The following UNC80 variants were observed in gnomAD, a reference collection of about 807,000 sequenced individuals.
UNC80 encodes unc-80 subunit of NALCN channel complex, also known as protein unc-80 homolog.
A neutral mutation model predicts 384.6 loss-of-function variants in UNC80; 164 were observed. The observed-to-expected ratio is 0.43, with a 90% CI of 0.38 to 0.49. The LOEUF (loss-of-function observed/expected upper bound fraction) is 0.49, where lower values mean the gene tolerates loss of function less well. Ranked by LOEUF, UNC80 falls within the 20% of genes least tolerant of loss-of-function variation. UNC80 has a pLI of 0.00. For missense variants in UNC80, 3,330 were observed against 4,143.0 expected (o/e 0.80, Z 5.39); for synonymous variants, 1,486 against 1,527.8 (o/e 0.97, Z 0.64).
In UNC80 at chr2:209,872,401, A is replaced by G. The variant is rs1285691042; in HGVS notation, c.3628-357A>G. 6.6e-6 allele frequency among the ~76,000 whole-genome samples: 1 copy of G among 152,220 alleles called. No homozygotes were observed. Among genetic ancestry groups the G allele is most frequent in the African/African-American group, 2.4e-5 (1 of 41,440 alleles). ...AAATTTAGGGTTCAAAAAAAGATTCATCTTTAAGACCTCACTAAAAGCTCT... is the reference window on the plus strand; with the variant it reads ...AAATTTAGGGTTCAAAAAAAGATTCGTCTTTAAGACCTCACTAAAAGCTCT... On this transcript the variant is annotated intron_variant, in intron 22 of 64. Transcript: ENST00000673920. The surrounding 1 kb of genome is among the most constrained non-coding windows in gnomAD (Gnocchi z 4.1).
chr2:209,804,728 C>T (rs1269454400), intron 7 of UNC80, among the ~76,000 whole-genome samples: 1 of 150,488 alleles, frequency 6.6e-6, no homozygotes, highest in African/African-American at 2.4e-5. Flanking sequence ...ATTTGAATCA[C>T]ACTCTCAACA....
intron 7 of UNC80, among the ~76,000 whole-genome samples, chr2:209,805,914 A>G (rs988690499): frequency 2.0e-5 from 3 of 152,178 alleles, no homozygotes; most frequent in African/African-American, 7.2e-5. Context: ...GCTATGTTGG[A>G]GGCTGGCTGT....
At chr2:209,903,334 G>A (rs1192606556) in intron 28 of UNC80, among the ~76,000 whole-genome samples, 9 of 133,672 alleles carry the variant, frequency 6.7e-5, no homozygotes, top group East Asian at 4.1e-4. Context: ...GTGTGTGTGT[G>A]TGTGTGTGTG....
chr2:209,803,782 G>C (rs868457435), intron 7 of UNC80, among the ~76,000 whole-genome samples: 1 of 151,952 alleles, frequency 6.6e-6, no homozygotes, highest in East Asian at 1.9e-4. Flanking sequence ...ACTGAGACTG[G>C]AGTGCAGTGG....
At chr2:209,969,591 C>T (rs1436864281) in intron 52 of UNC80, 177 bp from the exon 53 acceptor site, 3 of 797,144 alleles carry the variant, frequency 3.8e-6, no homozygotes, top group Admixed American at 3.2e-5. Flanking sequence ...GCCTCTGCTA[C>T]GTTTTCAGTA....
chr2:209,863,233 T>C (rs1363322470), intron 22 of UNC80, among the ~76,000 whole-genome samples: 1 of 152,178 alleles, frequency 6.6e-6, no homozygotes, highest in Non-Finnish European at 1.5e-5. Flanking sequence ...CCTTTGTAGG[T>C]GACCTGGCCT....
chr2:209,795,118 A>T (rs1400404731), intron 7 of UNC80: 3 of 171,206 alleles, frequency 1.8e-5, no homozygotes, highest in Non-Finnish European at 2.5e-5. Flanking sequence ...CGACATAGAC[A>T]ATAAAACCAG....
chr2:209,850,595 G>A (rs2082458457), intron 22 of UNC80, among the ~76,000 whole-genome samples: 1 of 152,158 alleles, frequency 6.6e-6, no homozygotes, highest in Admixed American at 6.6e-5. Flanking sequence ...AGCAAGGTAT[G>A]TGGCTTCACT....
At position 209,771,914 on chromosome 2, in the gene UNC80, T is replaced by A; in HGVS notation, c.-159T>A. The A allele has an allele frequency of 1.8e-6, 1 of 546,678 alleles. No homozygotes were observed. 33.9% of individuals were successfully genotyped at this position (546,678 alleles called of 1,614,324 possible). ...GCCATGTTCCACGCGCGGGGAGGGG[T>A]GGGGGGAGGGGAGAGGCACGGGGGA... On this transcript the variant is annotated 5_prime_UTR_variant, in exon 1 of 65. Transcript: ENST00000673920.
Position 209,888,241 on chromosome 2 carries a change from A to G in UNC80, c.4257A>G (p.Ala1419=), listed in dbSNP as rs1269904857. 1 of 1,551,732 alleles carries G rather than the reference A, an allele frequency of 6.4e-7. No homozygotes were observed. The highest frequency in any genetic ancestry group is 8.7e-7 in the Non-Finnish European group (1 of 1,146,986). ...HSSSHTLKSD[A]GVEEKKVPSR... is the part of the protein sequence containing the mutation. Reference sequence around the variant, plus strand: ...GCAGCCACACTCTCAAATCAGATGCAGGAGTCGAGGAGAAGAAAGGTATGG... The same window carrying G: ...GCAGCCACACTCTCAAATCAGATGCGGGAGTCGAGGAGAAGAAAGGTATGG... The change falls in exon 26 of 65, where the codon GCA becomes GCG. Residue 1419 remains alanine, a synonymous_variant. Transcript: ENST00000673920.
intron 25 of UNC80, among the ~76,000 whole-genome samples, chr2:209,883,429 T>C (rs2085476538): frequency 7.1e-6 from 1 of 140,556 alleles, no homozygotes; most frequent in Non-Finnish European, 1.6e-5. Flanking sequence ...TTCCACTCTT[T>C]TTTTTTTTTT....
rs1458586253 is a variant in UNC80, at chr2:209,912,655, C to T, written c.4878C>T (p.Tyr1626=). ...AAAAAGATTCCGGAATGCTGAAGTA[C>T]ATCAGACTTCAGGTATTGTTACCTG... is the stretch of plus-strand genomic sequence containing the variant. ...EGKKDSGMLK[Y]IRLQVMSLSP... Residue 1626 remains tyrosine (Y), a synonymous_variant, in exon 30 of 65, where the codon TAC becomes TAT. Transcript: ENST00000673920. The T allele has an allele frequency of 1.3e-6, 2 of 1,548,062 alleles. No homozygotes were observed. Among genetic ancestry groups the T allele is most frequent in the Non-Finnish European group, 1.7e-6 (2 of 1,144,070 alleles).
chr2:209,904,052 C>T (rs917429546), intron 28 of UNC80, among the ~76,000 whole-genome samples: 15 of 152,264 alleles, frequency 9.9e-5, no homozygotes, highest in African/African-American at 3.4e-4. Flanking sequence ...TAAGAAGTTC[C>T]AAATGCAAGG....
intron 14 of UNC80, among the ~76,000 whole-genome samples, chr2:209,826,475 G>C (rs903002929): frequency 6.6e-6 from 1 of 152,150 alleles, no homozygotes; most frequent in Admixed American, 6.5e-5. Context: ...GACCTGGTTT[G>C]TTGTCCTGCC....
rs548366205 is a variant in UNC80 at position 209,898,990 on chromosome 2, A to G, written c.4581+2577A>G. On this transcript the variant is annotated intron_variant, in intron 28 of 64. Transcript: ENST00000673920. ...GGCTGAGTAGTACTCTATTGTGTATATGTACCACATTTTCTTTGTTCATTC... is the reference window on the plus strand; with the variant it reads ...GGCTGAGTAGTACTCTATTGTGTATGTGTACCACATTTTCTTTGTTCATTC... 2.1e-3 allele frequency among the ~76,000 whole-genome samples: 314 copies of G among 152,290 alleles called. 1 individual carries two copies. The highest frequency in any genetic ancestry group is 0.01 in the Middle Eastern group (3 of 294).
At chr2:209,960,745 C>G (rs1349190883) in intron 51 of UNC80, among the ~76,000 whole-genome samples, 1 of 152,176 alleles carries the variant, frequency 6.6e-6, no homozygotes, top group Non-Finnish European at 1.5e-5. Flanking sequence ...CAGTACTGCC[C>G]TGGAGAACCC....
At chr2:209,941,077 T>C (rs2091597266) in intron 43 of UNC80, 144 bp from the exon 44 acceptor site, 1 of 1,065,540 alleles carries the variant, frequency 9.4e-7, no homozygotes, top group East Asian at 2.7e-5. Flanking sequence ...AGTAATATTG[T>C]GCTGGAAAAC....
intron 24 of UNC80, among the ~76,000 whole-genome samples, chr2:209,880,262 T>C (rs2085167411): frequency 6.6e-6 from 1 of 152,222 alleles, no homozygotes; most frequent in African/African-American, 2.4e-5. Context: ...AGCTGGCTTC[T>C]AGTGGATACA....
In UNC80 at chr2:209,973,224, G is replaced by T; in HGVS notation, c.8541G>T (p.Leu2847Phe). ...CSTPGDAGKD[L>F]RREGLAESTS... ...CCCCTGGGGATGCGGGGAAAGACTT[G>T]CGCAGGGAAGGGCTGGCTGAGTCCA... Residue 2847 changes from leucine to phenylalanine, a missense_variant, in exon 56 of 65, where the codon TTG becomes TTT. This residue lies in a region of UNC80 where 1,049 missense variants were observed against 1,488.6 expected (regional missense o/e 0.70). Coordinates refer to ENST00000673920, the MANE Select transcript of UNC80 (RefSeq NM_001371986.1). 1 of 1,551,702 alleles carries T rather than the reference G, an allele frequency of 6.4e-7. No individual in the cohort carries two copies. Among genetic ancestry groups the T allele is most frequent in the Non-Finnish European group, 8.7e-7 (1 of 1,146,986 alleles).
Sources: gnomAD v4.1 joint callset for allele counts (sites outside exome capture counted in the v4.1 genomes callset) on GRCh38, gnomAD v4.1.1 for gene constraint, gnomAD v4.1.1 regional missense constraint, Gnocchi (gnomAD v3.1) non-coding constraint, MANE v1.5 for transcripts, NCBI Gene and HGNC (gene_info 2026-07-23, HGNC 2026-07-21) for gene names.